LRP1B: variants seen among roughly 807,000 people sequenced by gnomAD.
LRP1B encodes low-density lipoprotein receptor-related protein 1B.
A neutral mutation model predicts 556.6 loss-of-function variants in LRP1B; 217 were observed. The ratio of observed to expected loss-of-function variants is 0.39; its 90% confidence interval spans 0.35 to 0.44. The LOEUF is 0.44. Among genes scored for constraint, LRP1B ranks in the 20% least tolerant of loss-of-function variants. LRP1B has a pLI of 1.00. For missense variants in LRP1B, 5,053 were observed against 5,620.8 expected, an observed-to-expected ratio of 0.90 and a Z score of 3.23; for synonymous variants, 2,047 against 1,865.8, an observed-to-expected ratio of 1.10 and a Z score of -2.50.
intron 1 of LRP1B, among the ~76,000 whole-genome samples, chr2:142,116,834 T>A (rs185720689): frequency 4.6e-4 from 70 of 152,276 alleles, no homozygotes; most frequent in Middle Eastern, 3.4e-3. Context: ...CAGTGTGTGG[T>A]AATAGAGCAC....
rs192949932 is a variant in LRP1B, at chr2:141,032,083, T to C, written c.1790-11981A>G. On this transcript the variant is annotated intron_variant, in intron 11 of 90. Transcript: ENST00000389484. ...TTCATATGGCCCTCCAGAGAAGTAA[T>C]CACTATAAACAGTTTATTGATCCTT... Among the ~76,000 whole-genome samples, 651 of 152,108 alleles carry C rather than the reference T, an allele frequency of 4.3e-3. 4 individuals carry two copies. The highest frequency in any genetic ancestry group is 0.015 in the African/African-American group (604 of 41,546).
At chr2:142,024,457 C>G (rs1703440103) in intron 1 of LRP1B, among the ~76,000 whole-genome samples, 1 of 152,100 alleles carries the variant, frequency 6.6e-6, no homozygotes, top group South Asian at 2.1e-4. Flanking sequence ...TGGTTCCTAT[C>G]CTTTCCCAGG....
intron 84 of LRP1B, among the ~76,000 whole-genome samples, chr2:140,285,326 TATACAC>T (rs3035563): frequency 0.53 from 79,585 of 149,524 alleles, 24,014 homozygotes; most frequent in Non-Finnish European, 0.68. Context: ...TACACACACA[TATACAC>T]ATACATATGT....
chr2:140,406,243 T>C (rs767502297), intron 66 of LRP1B, among the ~76,000 whole-genome samples: 20 of 152,056 alleles, frequency 1.3e-4, no homozygotes, highest in Admixed American at 7.9e-4. Context: ...TCATGTTGAA[T>C]GGGGAAAAGT....
chr2:140,560,501 T>G (rs566154730), intron 43 of LRP1B, among the ~76,000 whole-genome samples: 1 of 152,282 alleles, frequency 6.6e-6, no homozygotes, highest in South Asian at 2.1e-4. Context: ...CCTAACATTA[T>G]TTTAAAAATT....
intron 32 of LRP1B, among the ~76,000 whole-genome samples, chr2:140,777,080 C>T (rs545580369): frequency 1.2e-4 from 19 of 152,120 alleles, no homozygotes; most frequent in African/African-American, 4.6e-4. Context: ...TAAGGCAATG[C>T]AGTAATTTAA....
chr2:140,517,062 A>G, intron 49 of LRP1B, 51 bp from the exon 50 acceptor site: 3 of 1,333,284 alleles, frequency 2.3e-6, no homozygotes, highest in Non-Finnish European at 3.2e-6. Context: ...CTTCTGAAAT[A>G]TAGGTAGATA....
At chr2:140,340,815 T>A (rs1285127675) in intron 77 of LRP1B, among the ~76,000 whole-genome samples, 1 of 151,530 alleles carries the variant, frequency 6.6e-6, no homozygotes, top group Non-Finnish European at 1.5e-5. Context: ...AACTACCTGC[T>A]GCACCCTCAT....
At chr2:140,542,087 A>T (rs1265972147) in intron 43 of LRP1B, 116 bp from the exon 44 acceptor site, 3 of 606,288 alleles carry the variant, frequency 4.9e-6, no homozygotes, top group Non-Finnish European at 5.3e-6. Flanking sequence ...ATTAACAGAA[A>T]TCATCAGATA....
intron 69 of LRP1B, among the ~76,000 whole-genome samples, chr2:140,372,455 A>C (rs1439719639): frequency 6.6e-6 from 1 of 152,118 alleles, no homozygotes; most frequent in Non-Finnish European, 1.5e-5. Flanking sequence ...AATGTAATTA[A>C]AATATATAAT....
At chr2:140,338,158 G>A (rs1435397868) in intron 77 of LRP1B, among the ~76,000 whole-genome samples, 1 of 151,558 alleles carries the variant, frequency 6.6e-6, no homozygotes, top group Non-Finnish European at 1.5e-5. Flanking sequence ...CCTTCTTCTG[G>A]AACAAGGAAT....
At chr2:140,731,563 A>G (rs1687776894) in intron 35 of LRP1B, among the ~76,000 whole-genome samples, 1 of 152,064 alleles carries the variant, frequency 6.6e-6, no homozygotes, top group Admixed American at 6.6e-5. Flanking sequence ...AGGTCAAGAG[A>G]TCGAGACCAT....
At chr2:140,618,384 AT>A in intron 41 of LRP1B, among the ~76,000 whole-genome samples, 1 of 152,188 alleles carries the variant, frequency 6.6e-6, no homozygotes, top group Admixed American at 6.6e-5. Context: ...TTTTTAATGG[AT>A]TTTTATACAT....
chr2:141,935,449 T>C (rs896889326), intron 1 of LRP1B, among the ~76,000 whole-genome samples: 2 of 152,190 alleles, frequency 1.3e-5, no homozygotes, highest in African/African-American at 4.8e-5. Context: ...TTTTAAAATT[T>C]CTTAGATGGC....
chr2:141,216,499 A>G (rs300377), intron 6 of LRP1B, among the ~76,000 whole-genome samples: 109,512 of 152,084 alleles, frequency 0.72, 40,043 homozygotes, highest in East Asian at 0.97. Flanking sequence ...GTGGGGCATT[A>G]CCTAGTGAAG....
At chr2:140,512,523 C>G (rs931590665) in intron 51 of LRP1B, among the ~76,000 whole-genome samples, 1 of 152,106 alleles carries the variant, frequency 6.6e-6, no homozygotes, top group Admixed American at 6.5e-5. Context: ...AGTCACTAGC[C>G]TATTAATATT....
chr2:140,513,122 G>T (rs1689735748), intron 51 of LRP1B, among the ~76,000 whole-genome samples: 1 of 151,976 alleles, frequency 6.6e-6, no homozygotes, highest in Admixed American at 6.6e-5. Flanking sequence ...AGTGTACATT[G>T]GTTATGTTGG....
rs1360230826 is a variant in LRP1B at position 140,947,906 on chromosome 2, G to A, written c.3136+2329C>T. ...TTCCATAATTATACAAGAGATATATGCCATTCACATTGACAGTATACCCAT... is the reference window on the plus strand; with the variant it reads ...TTCCATAATTATACAAGAGATATATACCATTCACATTGACAGTATACCCAT... On this transcript the variant is annotated intron_variant, in intron 20 of 90. Transcript: ENST00000389484. 5.3e-5 allele frequency among the ~76,000 whole-genome samples: 8 copies of A among 152,100 alleles called. No individual in the cohort carries two copies. The East Asian group carries it at 1.5e-3, about 29-fold the overall frequency.
chr2:140,364,474 A>G (rs1682659026), intron 72 of LRP1B, among the ~76,000 whole-genome samples, 187 bp downstream of exon 72: 1 of 151,642 alleles, frequency 6.6e-6, no homozygotes, highest in African/African-American at 2.4e-5. Flanking sequence ...GAGTCTCTAT[A>G]AAGTCATAAC....
Sources: gnomAD v4.1 joint callset for allele counts (sites outside exome capture counted in the v4.1 genomes callset) on GRCh38, gnomAD v4.1.1 for gene constraint, MANE v1.5 for transcripts, NCBI Gene and HGNC (gene_info 2026-07-23, HGNC 2026-07-21) for gene names.